HMGXB4: variants seen among roughly 807,000 people sequenced by gnomAD.
HMGXB4 encodes the protein HMG-box containing 4, also known as HMG domain-containing protein 4.
In HMGXB4, 27 loss-of-function variants were observed where a neutral mutation model predicts 63.9. That is an observed-to-expected ratio of 0.42 (90% CI 0.31 to 0.58). The LOEUF (loss-of-function observed/expected upper bound fraction) is 0.58. HMGXB4 is among the 20% of genes least tolerant of loss of function. The pLI, the probability that HMGXB4 is intolerant of heterozygous loss-of-function variation, is 0.13. For missense variants in HMGXB4, 624 were observed against 700.7 expected (o/e 0.89, Z 1.24); for synonymous variants, 264 against 265.3 (o/e 0.99, Z 0.05).
the HMGXB4 span, among the ~76,000 whole-genome samples, chr22:35,246,840 G>A: frequency 6.6e-6 from 1 of 152,200 alleles, no homozygotes; most frequent in South Asian, 2.1e-4. Context: ...ACTTAGCAAG[G>A]ACAGGAAGAA....
chr22:35,278,349 C>T (rs1401275340), intron 5 of HMGXB4, among the ~76,000 whole-genome samples: 2 of 152,188 alleles, frequency 1.3e-5, no homozygotes, highest in Non-Finnish European at 2.9e-5. Context: ...CATCAGTTTT[C>T]AACTCCTTTG....
intron 9 of HMGXB4, among the ~76,000 whole-genome samples, chr22:35,291,300 G>A (rs188201337): frequency 2.0e-5 from 3 of 152,066 alleles, no homozygotes; most frequent in Admixed American, 1.3e-4. Flanking sequence ...GCGTGTGTGT[G>A]GCGTGTGGTG....
intron 5 of HMGXB4, among the ~76,000 whole-genome samples, chr22:35,270,999 G>A (rs1282402258): frequency 6.6e-6 from 1 of 152,106 alleles, no homozygotes; most frequent in Non-Finnish European, 1.5e-5. Context: ...GCAATGGCAT[G>A]CACCTGTAAT....
At position 35,290,575 on chromosome 22, in the gene HMGXB4, G is replaced by A. The variant is rs1924868114; in HGVS notation, c.1638+2168G>A. ...GAACCCAGGAGGCGGAGCTTGCAGT[G>A]AGCCGAGATTGCGCCACTGCACTCC... On this transcript the variant is annotated intron_variant, in intron 9 of 10. Coordinates refer to ENST00000216106, the MANE Select transcript of HMGXB4 (RefSeq NM_001003681.3). 4.1e-5 allele frequency among the ~76,000 whole-genome samples: 6 copies of A among 147,992 alleles called. No homozygotes were observed. The South Asian group carries it at 1.3e-3, about 31-fold the overall frequency.
chr22:35,269,057 A>T (rs1307119617), intron 5 of HMGXB4, among the ~76,000 whole-genome samples: 2 of 152,164 alleles, frequency 1.3e-5, no homozygotes, highest in Admixed American at 1.3e-4. Context: ...CTTATTAAAG[A>T]CTATAAGGGA....
chr22:35,244,892 A>T, the HMGXB4 span, among the ~76,000 whole-genome samples: 3,204 of 152,316 alleles, frequency 0.021, 147 homozygotes, highest in Admixed American at 0.12. Context: ...TAAAAAGTAT[A>T]AAAATGGCCT....
the HMGXB4 span, among the ~76,000 whole-genome samples, chr22:35,251,556 G>A: frequency 3.9e-5 from 6 of 152,148 alleles, no homozygotes; most frequent in Non-Finnish European, 8.8e-5. Flanking sequence ...GAGGAACAGG[G>A]GAACAAGGTG....
upstream of HMGXB4, among the ~76,000 whole-genome samples, chr22:35,252,894 G>A (rs1922246789): frequency 6.6e-6 from 1 of 152,114 alleles, no homozygotes; most frequent in Admixed American, 6.5e-5. Context: ...CCCAGCTCGG[G>A]AGGCTGAGGC....
At chr22:35,248,895 G>A in the HMGXB4 span, among the ~76,000 whole-genome samples, 10 of 152,218 alleles carry the variant, frequency 6.6e-5, no homozygotes, top group Non-Finnish European at 1.0e-4. Flanking sequence ...CATCCAAACC[G>A]TATCAGGCAC....
At chr22:35,290,548 G>A (rs957341785) in intron 9 of HMGXB4, among the ~76,000 whole-genome samples, 6 of 150,256 alleles carry the variant, frequency 4.0e-5, no homozygotes, top group Non-Finnish European at 5.9e-5. Context: ...GGAGAATGGC[G>A]TGAACCCAGG....
At chr22:35,258,405 C>G (rs1188306571) in intron 1 of HMGXB4, 2 of 152,194 alleles carry the variant, frequency 1.3e-5, no homozygotes, top group Admixed American at 1.3e-4. Context: ...AAAACTGAAT[C>G]CCAAATAAAG....
chr22:35,262,621 G>T, intron 2 of HMGXB4, 200 bp downstream of exon 2: 1 of 602,420 alleles, frequency 1.7e-6, no homozygotes, highest in Non-Finnish European at 2.9e-6. Flanking sequence ...GTTCCAACAC[G>T]AGAGTCTGAA....
Position 35,288,219 on chromosome 22 carries a change from C to T in HMGXB4, c.1469-19C>T. On this transcript the variant is annotated intron_variant, in intron 8 of 10. Transcript: ENST00000216106. ...CTGTAGGCAAGTTTTACCTGTCTGC[C>T]TCATTGCTCTGTTCTCAGCCTCTTC... 6.9e-7 allele frequency: 1 copy of T among 1,439,296 alleles called. No individual in the cohort carries two copies. 89.2% of individuals were successfully genotyped at this position (1,439,296 alleles called of 1,614,324 possible).
intron 5 of HMGXB4, among the ~76,000 whole-genome samples, chr22:35,274,834 T>C (rs1006582854): frequency 3.3e-5 from 5 of 152,218 alleles, no homozygotes; most frequent in Non-Finnish European, 5.9e-5. Context: ...CTGGTTTTCC[T>C]TTTAGCCAGA....
At chr22:35,262,092 A>T (rs1366709213) in intron 1 of HMGXB4, 1 of 354,120 alleles carries the variant, frequency 2.8e-6, no homozygotes, top group Admixed American at 4.4e-5. Flanking sequence ...TATTTTATAT[A>T]CTTCCCCAAA....
chr22:35,286,116 T>A, intron 7 of HMGXB4, 55 bp downstream of exon 7: 1 of 1,256,200 alleles, frequency 8.0e-7, no homozygotes. Flanking sequence ...TTCCAAAATA[T>A]GTAATTCTTC....
chr22:35,263,714 C>A, intron 3 of HMGXB4, 82 bp from the exon 4 acceptor site: 1 of 942,966 alleles, frequency 1.1e-6, no homozygotes, highest in Non-Finnish European at 1.7e-6. Context: ...TTCCCAAAAT[C>A]AAAAATCATC....
At chr22:35,247,988 TCA>T in the HMGXB4 span, among the ~76,000 whole-genome samples, 1 of 152,164 alleles carries the variant, frequency 6.6e-6, no homozygotes, top group East Asian at 1.9e-4. Flanking sequence ...GGATAGCCTA[TCA>T]CACACCCAGG....
intron 7 of HMGXB4, among the ~76,000 whole-genome samples, chr22:35,286,620 C>T (rs946665084): frequency 3.9e-5 from 6 of 152,038 alleles, no homozygotes; most frequent in African/African-American, 1.2e-4. Flanking sequence ...GAGGCTGAGG[C>T]GGTGGATCAC....
Sources: allele counts gnomAD v4.1 joint callset (sites outside exome capture counted in the v4.1 genomes callset), GRCh38; gene constraint gnomAD v4.1.1; transcripts MANE v1.5; gene names NCBI Gene and HGNC (gene_info 2026-07-23, HGNC 2026-07-21).